UGGT2: variants seen among roughly 807,000 people sequenced by gnomAD.
The protein encoded by UGGT2 is UDP-glucose glycoprotein glucosyltransferase 2, also known as UDP-glucose:glycoprotein glucosyltransferase 2.
In UGGT2, 180 loss-of-function variants were observed where a neutral mutation model predicts 192.1. The observed-to-expected ratio is 0.94, with a 90% confidence interval of 0.83 to 1.06. The LOEUF (loss-of-function observed/expected upper bound fraction) is 1.06, where lower values mean the gene tolerates loss of function less well. UGGT2 is among the 50% of genes least tolerant of loss of function. The pLI, the probability that UGGT2 is intolerant of heterozygous loss-of-function variation, is 0.00. For missense variants in UGGT2, 1,849 were observed against 1,795.7 expected, an observed-to-expected ratio of 1.03 and a Z score of -0.54; for synonymous variants, 580 against 591.0, an observed-to-expected ratio of 0.98 and a Z score of 0.27.
chr13:95,844,799 T>C (rs1385242890), intron 36 of UGGT2, among the ~76,000 whole-genome samples: 1 of 152,204 alleles, frequency 6.6e-6, no homozygotes, highest in Non-Finnish European at 1.5e-5. Context: ...CTTGCCTTGC[T>C]GTACTAGGTA....
At chr13:96,043,476 C>A (rs904744288) in intron 1 of UGGT2, among the ~76,000 whole-genome samples, 1 of 152,026 alleles carries the variant, frequency 6.6e-6, no homozygotes, top group Non-Finnish European at 1.5e-5. Context: ...ACAAGGTATA[C>A]AGGCAACAAA....
chr13:95,877,801 T>C lies in UGGT2; in HGVS notation c.3284A>G (p.Gln1095Arg), dbSNP rs147686486. 130 of 1,614,070 alleles carry C rather than the reference T, an allele frequency of 8.1e-5. No individual in the cohort carries two copies. The Admixed American group carries it at 1.6e-3, about 20-fold the overall frequency. ...YELEYLLLEG[Q>R]CFDKVTEQPP... Reference sequence around the variant, plus strand: ...CTGTTCTGTCACTTTATCAAAGCATTGTCCTTCCAGTAGTAAGTATTCTAG... The same window carrying C: ...CTGTTCTGTCACTTTATCAAAGCATCGTCCTTCCAGTAGTAAGTATTCTAG... The change falls in exon 28 of 39, where the codon CAA becomes CGA. Residue 1095 changes from glutamine (Q) to arginine (R), a missense_variant. Coordinates refer to ENST00000376747, the MANE Select transcript of UGGT2 (RefSeq NM_020121.4).
chr13:95,933,884 C>T (rs1395184613), intron 17 of UGGT2, among the ~76,000 whole-genome samples: 1 of 152,102 alleles, frequency 6.6e-6, no homozygotes, highest in African/African-American at 2.4e-5. Flanking sequence ...TGGGGTTTCA[C>T]TGTGTTAGCC....
intron 28 of UGGT2, 70 bp from the exon 29 acceptor site, chr13:95,877,434 C>T (rs961039584): frequency 3.0e-5 from 37 of 1,224,982 alleles, no homozygotes; most frequent in Middle Eastern, 4.5e-4. Flanking sequence ...CATGAATACA[C>T]GAATGATCTA....
chr13:95,822,609 T>C (rs1409392985), intron 38 of UGGT2, among the ~76,000 whole-genome samples: 2 of 152,076 alleles, frequency 1.3e-5, no homozygotes, highest in Admixed American at 1.3e-4. Context: ...AAGGTGTTCA[T>C]AGTGGTCTCG....
rs1371817321 is a variant in UGGT2 at position 95,884,587 on chromosome 13, T to C, written c.3132A>G (p.Glu1044=). ...TCATGTTGAGGATTAGGAGGGGTGATTCAGGAATATCCAAAAATTTTGCCA... is the reference window on the plus strand; with the variant it reads ...TCATGTTGAGGATTAGGAGGGGTGACTCAGGAATATCCAAAAATTTTGCCA... The part of the protein sequence containing the change: ...GPVAKFLDIP[E]SPLLILNMIT... Residue 1044 remains glutamate (E), a synonymous_variant, in exon 27 of 39, where the codon GAA becomes GAG. Coordinates refer to ENST00000376747, the MANE Select transcript of UGGT2 (RefSeq NM_020121.4). 1 of 1,613,998 alleles carries C rather than the reference T, an allele frequency of 6.2e-7. No individual in the cohort carries two copies. Among genetic ancestry groups the C allele is most frequent in the Non-Finnish European group, 8.5e-7 (1 of 1,179,930 alleles).
intron 17 of UGGT2, among the ~76,000 whole-genome samples, chr13:95,928,820 G>A (rs1029017071): frequency 2.0e-5 from 3 of 152,170 alleles, no homozygotes; most frequent in Admixed American, 2.0e-4. Context: ...TGCAATCTCG[G>A]CACTTTGGGA....
intron 5 of UGGT2, among the ~76,000 whole-genome samples, chr13:96,006,024 C>T (rs986840852): frequency 6.6e-5 from 10 of 152,122 alleles, no homozygotes; most frequent in Non-Finnish European, 1.5e-5. Context: ...CTTTTAATAA[C>T]AACGAAAATC....
chr13:95,969,999 T>G, intron 12 of UGGT2, 113 bp downstream of exon 12: 1 of 1,126,584 alleles, frequency 8.9e-7, no homozygotes, highest in Non-Finnish European at 1.3e-6. Context: ...CTCTTTTCAC[T>G]GAGAACTGTT....
intron 5 of UGGT2, 26 bp downstream of exon 5, chr13:96,013,281 C>A: frequency 6.5e-7 from 1 of 1,527,914 alleles, no homozygotes. Flanking sequence ...CAGCCAAAAG[C>A]AACCTTGGAA....
chr13:95,924,674 C>T (rs984442762), intron 20 of UGGT2, among the ~76,000 whole-genome samples: 12 of 152,070 alleles, frequency 7.9e-5, no homozygotes, highest in African/African-American at 2.9e-4. Flanking sequence ...TTATAAATGA[C>T]ATTGTGGCTC....
chr13:95,814,001 G>C (rs1884697337), intron 38 of UGGT2, among the ~76,000 whole-genome samples: 2 of 152,218 alleles, frequency 1.3e-5, no homozygotes, highest in Admixed American at 1.3e-4. Context: ...GAGTGAATGA[G>C]GCTTGGCAGC....
intron 17 of UGGT2, among the ~76,000 whole-genome samples, chr13:95,933,774 C>T (rs1446333303): frequency 3.3e-5 from 5 of 152,108 alleles, no homozygotes; most frequent in African/African-American, 7.2e-5. Flanking sequence ...CTCCGCCTCC[C>T]GGGTTCATGC....
intron 20 of UGGT2, among the ~76,000 whole-genome samples, chr13:95,916,643 C>G (rs1462596087): frequency 6.6e-6 from 1 of 152,044 alleles, no homozygotes; most frequent in Admixed American, 6.6e-5. Flanking sequence ...TGCAAAGAAA[C>G]GAAGCACTAT....
At chr13:95,849,844 A>G (rs1888852919) in intron 36 of UGGT2, among the ~76,000 whole-genome samples, 1 of 149,066 alleles carries the variant, frequency 6.7e-6, no homozygotes, top group Non-Finnish European at 1.5e-5. Flanking sequence ...TTAATTTTTT[A>G]TATATTAATT....
intron 2 of UGGT2, among the ~76,000 whole-genome samples, chr13:96,026,500 G>A (rs796888974): frequency 4.6e-5 from 7 of 151,786 alleles, no homozygotes; most frequent in African/African-American, 1.7e-4. Flanking sequence ...TTTTTCAACT[G>A]TACATTTCTA....
intron 38 of UGGT2, among the ~76,000 whole-genome samples, chr13:95,825,708 C>G (rs559726706): frequency 3.3e-5 from 5 of 152,144 alleles, no homozygotes; most frequent in Non-Finnish European, 7.4e-5. Flanking sequence ...CAAGACCCTC[C>G]AAGAGCACCA....
chr13:95,868,655 T>C (rs980858134), intron 29 of UGGT2, among the ~76,000 whole-genome samples: 8 of 152,088 alleles, frequency 5.3e-5, no homozygotes, highest in South Asian at 2.1e-4. Context: ...GGTAGAAACA[T>C]TGTCAAATTT....
intron 1 of UGGT2, among the ~76,000 whole-genome samples, chr13:96,049,506 G>C (rs1252259997): frequency 6.6e-6 from 1 of 152,144 alleles, no homozygotes; most frequent in Non-Finnish European, 1.5e-5. Context: ...AAGAAATAAA[G>C]GGTATTCAAT....
Sources: allele counts gnomAD v4.1 joint callset (sites outside exome capture counted in the v4.1 genomes callset), GRCh38; gene constraint gnomAD v4.1.1; transcripts MANE v1.5; gene names NCBI Gene and HGNC (gene_info 2026-07-23, HGNC 2026-07-21).